ARFGEF1: variants seen among roughly 807,000 people sequenced by gnomAD.
ARFGEF1 encodes ARF guanine nucleotide exchange factor 1.
Under a neutral mutation model 231.0 loss-of-function variants are expected in ARFGEF1, and 42 were observed. That is an observed-to-expected ratio of 0.18 (90% CI 0.14 to 0.24). The LOEUF (loss-of-function observed/expected upper bound fraction) is 0.24. ARFGEF1 is among the 10% of genes least tolerant of loss of function. The pLI is 1.00. For synonymous variants in ARFGEF1, 710 were observed against 732.3 expected, an observed-to-expected ratio of 0.97 and a Z score of 0.49; for missense variants, 1,345 against 2,192.0, an observed-to-expected ratio of 0.61 and a Z score of 7.72.
intron 13 of ARFGEF1, 141 bp from the exon 14 acceptor site, chr8:67,266,348 T>C (rs1051243173): frequency 4.4e-5 from 29 of 652,636 alleles, no homozygotes; most frequent in Middle Eastern, 4.0e-4. Context: ...TTAGGTAACA[T>C]AGTAAACAAC....
rs1457349061 is a variant in ARFGEF1, at chr8:67,198,350, A to G, written c.*584T>C. On this transcript the variant is annotated 3_prime_UTR_variant, in exon 39 of 39. Coordinates refer to ENST00000262215, the MANE Select transcript of ARFGEF1 (RefSeq NM_006421.5). ...AATAAGAAAATAAAGAAAACAGTGC[A>G]GGAAGAACTATATAATGTTTTAAGA... 2.0e-6 allele frequency: 2 copies of G among 984,368 alleles called. No individual in the cohort carries two copies. The allele number at this position is 984,368 out of a possible 1,614,324, so 61.0% of individuals were successfully genotyped here.
At chr8:67,330,934 T>G (rs1341891843) in intron 1 of ARFGEF1, among the ~76,000 whole-genome samples, 1 of 152,146 alleles carries the variant, frequency 6.6e-6, no homozygotes, top group African/African-American at 2.4e-5. Flanking sequence ...CTATAACACT[T>G]TTTATCTAAT....
chr8:67,316,776 T>C (rs1158063599), intron 1 of ARFGEF1, among the ~76,000 whole-genome samples: 1 of 152,140 alleles, frequency 6.6e-6, no homozygotes, highest in Non-Finnish European at 1.5e-5. Context: ...GTTGTATAAT[T>C]AAGAATCTGG....
intron 25 of ARFGEF1, 127 bp downstream of exon 25, chr8:67,227,836 T>G (rs1839427477): frequency 1.1e-6 from 1 of 902,418 alleles, no homozygotes; most frequent in Non-Finnish European, 1.5e-6. Context: ...TCACAGGGTT[T>G]TCTAATTTAA....
At chr8:67,174,442 CTGTA>C (rs1348390343), downstream of ARFGEF1, 1 of 152,026 alleles carries the variant, frequency 6.6e-6, no homozygotes, top group Admixed American at 6.6e-5. Flanking sequence ...TATGTATGAA[CTGTA>C]TGTTTCTTCT....
chr8:67,238,967 T>C (rs993444648), intron 20 of ARFGEF1, 74 bp from the exon 21 acceptor site: 3 of 1,174,196 alleles, frequency 2.6e-6, no homozygotes, highest in Middle Eastern at 2.1e-4. Context: ...CAACAAACTC[T>C]GTTTACTTGT....
chr8:67,256,783 T>G (rs1236063069), intron 17 of ARFGEF1, among the ~76,000 whole-genome samples: 1 of 152,220 alleles, frequency 6.6e-6, no homozygotes, highest in African/African-American at 2.4e-5. Context: ...ATTTAAGAAG[T>G]AAATATGAAT....
At chr8:67,224,856 A>T in intron 29 of ARFGEF1, 47 bp downstream of exon 29, 1 of 1,350,974 alleles carries the variant, frequency 7.4e-7, no homozygotes, top group Non-Finnish European at 9.9e-7. Context: ...TAATTTGATT[A>T]AAGTCAAAAT....
intron 29 of ARFGEF1, among the ~76,000 whole-genome samples, chr8:67,223,480 A>C (rs1036709116): frequency 6.6e-6 from 1 of 152,170 alleles, no homozygotes; most frequent in African/African-American, 2.4e-5. Context: ...GAGCCATGGC[A>C]TCCGGCCCAC....
intron 19 of ARFGEF1, among the ~76,000 whole-genome samples, chr8:67,250,087 C>T (rs1466202493): frequency 6.6e-6 from 1 of 152,156 alleles, no homozygotes; most frequent in Non-Finnish European, 1.5e-5. Flanking sequence ...CAGAAGAGAT[C>T]TAGCGATGGA....
In ARFGEF1 at chr8:67,224,968, TC is replaced by T. The variant is rs778261101; in HGVS notation, c.4142del (p.Gly1381AspfsTer18). On this transcript the variant is annotated frameshift_variant, in exon 29 of 39. Transcript: ENST00000262215. LOFTEE classifies it high-confidence loss of function. ...VAPEDRVWVRGWFPILFELSC... is the reference protein window; with the variant it reads ...VAPEDRVWVRXWFPILFELSC... ...ATAACTCAAAGAGAATTGGGAACCA[TC>T]CTCTCACCCACACCCTGTCTTCAGG... 6.2e-7 allele frequency: 1 copy of T among 1,607,248 alleles called. No individual in the cohort carries two copies. The highest frequency in any genetic ancestry group is 8.5e-7 in the Non-Finnish European group (1 of 1,176,574).
chr8:67,178,804 G>A (rs892965381), intron 5 of ARFGEF1, among the ~76,000 whole-genome samples: 7 of 152,184 alleles, frequency 4.6e-5, no homozygotes, highest in African/African-American at 1.7e-4. Context: ...AGGGGGTGAC[G>A]AGGGGAGGCA....
intron 29 of ARFGEF1, among the ~76,000 whole-genome samples, chr8:67,220,076 G>C (rs1272768870): frequency 6.6e-6 from 1 of 152,166 alleles, no homozygotes; most frequent in Non-Finnish European, 1.5e-5. Flanking sequence ...ATGAGGGGAG[G>C]GGTCTGTGTT....
At chr8:67,314,894 G>A (rs993453476) in intron 1 of ARFGEF1, among the ~76,000 whole-genome samples, 1 of 151,986 alleles carries the variant, frequency 6.6e-6, no homozygotes, top group Non-Finnish European at 1.5e-5. Context: ...AAATTAGCTG[G>A]GTGGGCATGG....
At chr8:67,289,850 T>C (rs1441990339) in intron 6 of ARFGEF1, among the ~76,000 whole-genome samples, 2 of 152,200 alleles carry the variant, frequency 1.3e-5, no homozygotes, top group East Asian at 1.9e-4. Context: ...TTCCATGCTC[T>C]AGTTGGCTAA....
intron 27 of ARFGEF1, among the ~76,000 whole-genome samples, chr8:67,226,489 T>G (rs1839376473): frequency 6.6e-6 from 1 of 152,110 alleles, no homozygotes; most frequent in African/African-American, 2.4e-5. Context: ...TCTCTGTATC[T>G]CGGTTTCTTG....
chr8:67,303,138 T>C (rs1322686578), intron 1 of ARFGEF1, among the ~76,000 whole-genome samples: 1 of 151,254 alleles, frequency 6.6e-6, no homozygotes, highest in African/African-American at 2.4e-5. Context: ...ATAATGTGTA[T>C]GCTATAATGA....
chr8:67,195,748 CATAA>C (rs577603880), downstream of ARFGEF1: 184 of 613,210 alleles, frequency 3.0e-4, no homozygotes, highest in Non-Finnish European at 3.4e-4. Flanking sequence ...ATATTATGTA[CATAA>C]ATAAAAGGCC....
At chr8:67,249,943 G>T (rs1414749984) in intron 19 of ARFGEF1, among the ~76,000 whole-genome samples, 2 of 152,162 alleles carry the variant, frequency 1.3e-5, no homozygotes, top group Admixed American at 1.3e-4. Context: ...ATTTAAACTG[G>T]AAACTACTCA....
Sources: allele counts gnomAD v4.1 joint callset (sites outside exome capture counted in the v4.1 genomes callset), GRCh38; gene constraint gnomAD v4.1.1; transcripts MANE v1.5; gene names NCBI Gene and HGNC (gene_info 2026-07-23, HGNC 2026-07-21).